The following MARK2 variants were observed in gnomAD, a reference collection of about 807,000 sequenced individuals.
MARK2 encodes microtubule affinity regulating kinase 2.
MARK2 carries 16 observed loss-of-function variants against 89.8 expected under a neutral mutation model. The ratio of observed to expected loss-of-function variants is 0.18; its 90% confidence interval spans 0.12 to 0.27. The LOEUF (loss-of-function observed/expected upper bound fraction) is 0.27, where lower values mean the gene tolerates loss of function less well. Among genes scored for constraint, MARK2 ranks in the 10% least tolerant of loss-of-function variants. MARK2 has a pLI of 1.00. For synonymous variants in MARK2, 382 were observed against 399.5 expected (o/e 0.96, Z 0.52); for missense variants, 621 against 1,049.9 (o/e 0.59, Z 5.65).
At chr11:63,878,644 C>T (rs2135282598) in intron 1 of MARK2, among the ~76,000 whole-genome samples, 1 of 152,124 alleles carries the variant, frequency 6.6e-6, no homozygotes, top group Middle Eastern at 3.4e-3. Context: ...GCTGGGATTA[C>T]AGGAGTGAGC....
intron 3 of MARK2, among the ~76,000 whole-genome samples, 172 bp from the exon 4 acceptor site, chr11:63,898,060 C>T (rs1940562618): frequency 6.6e-6 from 1 of 152,208 alleles, no homozygotes. Flanking sequence ...CCTCCAGCTT[C>T]CCCAACTTCC....
At chr11:63,849,515 G>T (rs1445238418) in intron 1 of MARK2, among the ~76,000 whole-genome samples, 1 of 152,196 alleles carries the variant, frequency 6.6e-6, no homozygotes. Flanking sequence ...CACTTTGGGA[G>T]GCCAAGGCAG....
intron 17 of MARK2, 135 bp downstream of exon 17, chr11:63,906,249 C>G: frequency 8.8e-7 from 1 of 1,135,352 alleles, no homozygotes; most frequent in Non-Finnish European, 1.1e-6. Flanking sequence ...GCCCTCCTCT[C>G]TCTGCCATCT....
chr11:63,901,720 G>GTGTGTGTA (rs1460920893), intron 11 of MARK2, among the ~76,000 whole-genome samples: 19 of 151,490 alleles, frequency 1.3e-4, no homozygotes, highest in African/African-American at 4.4e-4. Flanking sequence ...GTGTGTGTGT[G>GTGTGTGTA]TGTATGTGTC....
intron 16 of MARK2, 124 bp from the exon 17 acceptor site, chr11:63,905,964 C>A: frequency 1.4e-6 from 1 of 732,452 alleles, no homozygotes; most frequent in Non-Finnish European, 1.9e-6. Flanking sequence ...AGCGGCTCTT[C>A]CGAAAATGGG....
At chr11:63,896,871 G>C (rs4980531) in intron 3 of MARK2, among the ~76,000 whole-genome samples, 3 of 152,138 alleles carry the variant, frequency 2.0e-5, no homozygotes, top group African/African-American at 7.2e-5. Context: ...GCCTGCCATC[G>C]TAATAATCGC....
chr11:63,903,034 A>G lies in MARK2; in HGVS notation c.1417-27A>G. On this transcript the variant is annotated intron_variant, in intron 13 of 18. Transcript: ENST00000402010. This position sits in a 1 kb window ranked among gnomAD's most constrained non-coding sequence, Gnocchi z 5.1. ...CTGTAGACCACTTTGGCTTTCTGAT[A>G]GAACGCTTGCCCTTTATTCCCCACA... 7 of 1,601,306 alleles carry G rather than the reference A, an allele frequency of 4.4e-6. No individual in the cohort carries two copies. Among genetic ancestry groups the G allele is most frequent in the Non-Finnish European group, 6.0e-6 (7 of 1,168,570 alleles).
At chr11:63,888,842 C>T in intron 1 of MARK2, 1 of 1,301,736 alleles carries the variant, frequency 7.7e-7, no homozygotes, top group Admixed American at 2.2e-5. Flanking sequence ...GCTGAGCCGG[C>T]AGCCCCCGCC....
intron 1 of MARK2, among the ~76,000 whole-genome samples, chr11:63,844,330 T>A (rs950587305): frequency 6.6e-6 from 1 of 152,052 alleles, no homozygotes; most frequent in Non-Finnish European, 1.5e-5. Context: ...AAAATTTTTT[T>A]AAATTTAGCT....
rs1284370217 is a variant in MARK2 at position 63,903,169 on chromosome 11, C to T, written c.1514+11C>T. On this transcript the variant is annotated intron_variant, in intron 14 of 18. Coordinates refer to ENST00000402010, the MANE Select transcript of MARK2 (RefSeq NM_001039469.3). The surrounding 1 kb of genome is among the most constrained non-coding windows in gnomAD (Gnocchi z 5.1). ...GAATGGCAAAGACAGGTGAGAGACC[C>T]GGGCCCTGCCTGCCTCACTCCCTAG... The T allele has an allele frequency of 1.1e-5, 17 of 1,601,584 alleles. No homozygotes were observed. The highest frequency in any genetic ancestry group is 3.3e-5 in the South Asian group (3 of 90,828).
chr11:63,839,771 C>T (rs2135180921), intron 1 of MARK2, among the ~76,000 whole-genome samples: 1 of 81,944 alleles, frequency 1.2e-5, no homozygotes, highest in South Asian at 3.7e-4. Flanking sequence ...GCACACTTGT[C>T]TTTCTGCCAA....
chr11:63,860,253 A>G lies in MARK2; in HGVS notation c.54+20693A>G, dbSNP rs1256022992. ...AGTCACTTTGACCAACTTTAAGCAA[A>G]TCTTTTAAAACTCATGTCGGCTGGG... On this transcript the variant is annotated intron_variant, in intron 1 of 18. Coordinates refer to ENST00000402010, the MANE Select transcript of MARK2 (RefSeq NM_001039469.3). 5.3e-5 allele frequency among the ~76,000 whole-genome samples: 8 copies of G among 152,056 alleles called. No homozygotes were observed. The East Asian group carries it at 1.2e-3, about 22-fold the overall frequency.
chr11:63,851,445 T>C (rs1213521419), intron 1 of MARK2, among the ~76,000 whole-genome samples: 1 of 152,144 alleles, frequency 6.6e-6, no homozygotes, highest in Non-Finnish European at 1.5e-5. Flanking sequence ...AAATAACTCA[T>C]CAGGGGCTAT....
chr11:63,843,610 A>T (rs960601489), intron 1 of MARK2, among the ~76,000 whole-genome samples: 16 of 151,260 alleles, frequency 1.1e-4, no homozygotes, highest in Admixed American at 2.6e-4. Context: ...TCTGGATAAA[A>T]ATATATATAT....
intron 1 of MARK2, among the ~76,000 whole-genome samples, chr11:63,885,973 A>T (rs903891302): frequency 1.3e-5 from 2 of 151,830 alleles, no homozygotes; most frequent in African/African-American, 2.4e-5. Flanking sequence ...CTAAAAATAT[A>T]AAAAAATTAG....
intron 1 of MARK2, among the ~76,000 whole-genome samples, chr11:63,859,606 C>A (rs944622523): frequency 1.3e-5 from 2 of 151,124 alleles, no homozygotes; most frequent in Non-Finnish European, 3.0e-5. Context: ...GGCACAAGCC[C>A]ATGCCTGGGC....
Position 63,902,470 on chromosome 11 carries a change from T to C in MARK2, c.1235-131T>C. On this transcript the variant is annotated intron_variant, in intron 12 of 18. Transcript: ENST00000402010. The surrounding 1 kb of genome is among the most constrained non-coding windows in gnomAD (Gnocchi z 4.2). ...GTAGTGTGGCTATGGGCAAGCCACT[T>C]CCCTTCCCTCGCCTCTGTGGAATGG... 7.3e-7 allele frequency: 1 copy of C among 1,377,364 alleles called. No individual in the cohort carries two copies. The highest frequency in any genetic ancestry group is 1.0e-6 in the Non-Finnish European group (1 of 989,416). The allele number at this position is 1,377,364 out of a possible 1,614,324, so 85.3% of individuals were successfully genotyped here.
intron 1 of MARK2, among the ~76,000 whole-genome samples, chr11:63,857,576 A>C (rs1201718153): frequency 6.6e-6 from 1 of 152,242 alleles, no homozygotes; most frequent in Non-Finnish European, 1.5e-5. Flanking sequence ...TTGGAAAATA[A>C]GTTTTTTATT....
chr11:63,906,136 TG>T (rs1941314675), intron 17 of MARK2, 22 bp downstream of exon 17: 2 of 1,149,996 alleles, frequency 1.7e-6, no homozygotes, highest in South Asian at 3.1e-5. Context: ...GCCCGCTGTG[TG>T]TGTGTGTGTG....
Sources: allele counts gnomAD v4.1 joint callset (sites outside exome capture counted in the v4.1 genomes callset), GRCh38; gene constraint gnomAD v4.1.1; non-coding constraint Gnocchi (gnomAD v3.1); transcripts MANE v1.5; gene names NCBI Gene and HGNC (gene_info 2026-07-23, HGNC 2026-07-21).